The following ANKS1B variants were observed in gnomAD, a reference collection of about 807,000 sequenced individuals.
ANKS1B encodes the protein ankyrin repeat and sterile alpha motif domain containing 1B.
In ANKS1B, 36 loss-of-function variants were observed where a neutral mutation model predicts 148.3. The observed-to-expected ratio is 0.24, with a 90% CI of 0.19 to 0.32. ANKS1B has a LOEUF of 0.32. ANKS1B is among the 10% of genes least tolerant of loss of function. The pLI is 1.00. For missense variants in ANKS1B, 1,157 were observed against 1,542.6 expected (o/e 0.75, Z 4.19); for synonymous variants, 542 against 560.8 (o/e 0.97, Z 0.47).
chr12:99,281,100 G>A (rs765281592), intron 12 of ANKS1B, among the ~76,000 whole-genome samples: 3 of 152,054 alleles, frequency 2.0e-5, no homozygotes, highest in Non-Finnish European at 4.4e-5. Context: ...AGGGAAAGGT[G>A]GGGCCACAAA....
chr12:99,092,490 A>C (rs1026192410), intron 15 of ANKS1B, among the ~76,000 whole-genome samples: 12 of 142,774 alleles, frequency 8.4e-5, no homozygotes, highest in Non-Finnish European at 1.7e-4. Flanking sequence ...AAAAAAAAAA[A>C]CTTCCTTGGG....
At chr12:99,103,340 C>T (rs943624343) in intron 15 of ANKS1B, among the ~76,000 whole-genome samples, 7 of 152,162 alleles carry the variant, frequency 4.6e-5, no homozygotes, top group Non-Finnish European at 1.0e-4. Context: ...CAGTCTTACA[C>T]AATTCCTTGC....
intron 9 of ANKS1B, among the ~76,000 whole-genome samples, chr12:99,651,544 A>G (rs1207980054): frequency 6.6e-6 from 1 of 152,128 alleles, no homozygotes; most frequent in Non-Finnish European, 1.5e-5. Flanking sequence ...CATAGAAGGG[A>G]TCATTGTTAA....
chr12:99,812,087 T>G (rs1211840454), intron 3 of ANKS1B, 68 bp downstream of exon 3: 2 of 1,510,972 alleles, frequency 1.3e-6, no homozygotes, highest in Non-Finnish European at 1.8e-6. Flanking sequence ...AAAAATCACA[T>G]TTTCAATATG....
intron 25 of ANKS1B, among the ~76,000 whole-genome samples, chr12:98,755,789 C>A (rs2098225614): frequency 6.6e-6 from 1 of 152,122 alleles, no homozygotes; most frequent in South Asian, 2.1e-4. Context: ...TGCTCAAAAT[C>A]CCCCACTCTT....
intron 1 of ANKS1B, among the ~76,000 whole-genome samples, chr12:99,942,178 T>C (rs968569546): frequency 1.3e-5 from 2 of 151,620 alleles, no homozygotes; most frequent in Non-Finnish European, 2.9e-5. Flanking sequence ...TATCAGAAAA[T>C]CAAACCAAGC....
intron 8 of ANKS1B, among the ~76,000 whole-genome samples, chr12:99,738,581 T>C (rs2059818449): frequency 6.6e-6 from 1 of 152,196 alleles, no homozygotes; most frequent in African/African-American, 2.4e-5. Context: ...GATGACTGAA[T>C]ATGCACAATT....
At chr12:99,043,191 A>C (rs1324760911) in intron 17 of ANKS1B, among the ~76,000 whole-genome samples, 3 of 152,214 alleles carry the variant, frequency 2.0e-5, no homozygotes, top group African/African-American at 7.2e-5. Flanking sequence ...AAAACATATA[A>C]AAAGGTAAAA....
At chr12:99,180,625 GGTTTT>G (rs2078991876) in intron 14 of ANKS1B, among the ~76,000 whole-genome samples, 1 of 136,280 alleles carries the variant, frequency 7.3e-6, no homozygotes. Context: ...TGAGGGAAAG[GGTTTT>G]TTTTTTTTTT....
intron 8 of ANKS1B, among the ~76,000 whole-genome samples, chr12:99,666,882 GT>G: frequency 6.9e-6 from 1 of 144,600 alleles, no homozygotes; most frequent in Non-Finnish European, 1.6e-5. Context: ...GTGTGTGTGT[GT>G]GTGTGTGTGT....
At chr12:99,487,009 T>G (rs571951581) in intron 10 of ANKS1B, among the ~76,000 whole-genome samples, 1 of 152,290 alleles carries the variant, frequency 6.6e-6, no homozygotes, top group African/African-American at 2.4e-5. Context: ...TGACATCTCC[T>G]TCTCCAAGGC....
intron 8 of ANKS1B, among the ~76,000 whole-genome samples, chr12:99,657,064 A>G (rs2098453006): frequency 8.4e-6 from 1 of 119,064 alleles, no homozygotes; most frequent in African/African-American, 3.0e-5. Context: ...TGCTGTCTAT[A>G]AAATACAATA....
chr12:99,568,648 A>T (rs1037341533), intron 9 of ANKS1B, among the ~76,000 whole-genome samples: 7 of 152,188 alleles, frequency 4.6e-5, no homozygotes, highest in Admixed American at 4.6e-4. Flanking sequence ...TTCTCTGACA[A>T]AATCAACAGA....
chr12:98,759,051 A>T (rs985116264), intron 25 of ANKS1B, among the ~76,000 whole-genome samples: 1 of 151,446 alleles, frequency 6.6e-6, no homozygotes, highest in Non-Finnish European at 1.5e-5. Flanking sequence ...AAAGTGCTAG[A>T]ATTATAGGCA....
At chr12:99,962,465 G>A (rs959275014) in intron 1 of ANKS1B, among the ~76,000 whole-genome samples, 1 of 152,124 alleles carries the variant, frequency 6.6e-6, no homozygotes, top group African/African-American at 2.4e-5. Context: ...ATGGGCATTT[G>A]GGTTGGTTCC....
chr12:99,745,103 G>A (rs2060475959), intron 8 of ANKS1B, among the ~76,000 whole-genome samples: 1 of 151,576 alleles, frequency 6.6e-6, no homozygotes, highest in Admixed American at 6.6e-5. Context: ...AAAAGACTCA[G>A]GATGTTCAAA....
chr12:99,604,425 G>T (rs2153308411), intron 9 of ANKS1B, among the ~76,000 whole-genome samples: 1 of 152,122 alleles, frequency 6.6e-6, no homozygotes, highest in Non-Finnish European at 1.5e-5. Context: ...ACTTAATTTA[G>T]AATTTAATTT....
intron 9 of ANKS1B, among the ~76,000 whole-genome samples, chr12:99,581,563 T>C (rs536139980): frequency 1.3e-5 from 2 of 152,108 alleles, no homozygotes; most frequent in South Asian, 4.1e-4. Flanking sequence ...ATCACCAAAA[T>C]AAAACATCAT....
intron 8 of ANKS1B, among the ~76,000 whole-genome samples, chr12:99,761,708 C>CAAGAGGAATAAATA (rs2062135529): frequency 6.6e-6 from 1 of 151,944 alleles, no homozygotes; most frequent in Non-Finnish European, 1.5e-5. Context: ...AGCCATCATG[C>CAAGAGGAATAAATA]AAGAGGAATA....
Sources: gnomAD v4.1 joint callset for allele counts (sites outside exome capture counted in the v4.1 genomes callset) on GRCh38, gnomAD v4.1.1 for gene constraint, MANE v1.5 for transcripts, NCBI Gene and HGNC (gene_info 2026-07-23, HGNC 2026-07-21) for gene names.